The following ZBTB8A variants were observed in gnomAD, a reference collection of about 807,000 sequenced individuals.
The protein encoded by ZBTB8A is zinc finger and BTB domain containing 8A, also known as zinc finger and BTB domain-containing protein 8A.
A neutral mutation model predicts 37.8 loss-of-function variants in ZBTB8A; 19 were observed. The observed-to-expected ratio is 0.50, with a 90% confidence interval of 0.35 to 0.74. The LOEUF (loss-of-function observed/expected upper bound fraction) is 0.74. Among genes scored for constraint, ZBTB8A ranks in the 30% least tolerant of loss-of-function variants. The pLI is 0.01. For missense variants in ZBTB8A, 394 were observed against 537.8 expected (o/e 0.73, Z 2.65); for synonymous variants, 181 against 185.2 (o/e 0.98, Z 0.19).
chr1:32,594,810 CTAAATATATCAAATACCGAAGT>C (rs1235829150), intron 3 of ZBTB8A, among the ~76,000 whole-genome samples: 1 of 151,234 alleles, frequency 6.6e-6, no homozygotes, highest in African/African-American at 2.4e-5. Context: ...ACCCAACTTT[CTAAATATATCAAATACCGAAGT>C]TAAAGTTCCA....
intron 2 of ZBTB8A, among the ~76,000 whole-genome samples, chr1:32,589,389 T>C (rs1037282373): frequency 4.0e-5 from 6 of 151,772 alleles, no homozygotes; most frequent in Admixed American, 1.3e-4. Flanking sequence ...TAGCTCGGAT[T>C]ACAGGCACCT....
chr1:32,578,910 A>G (rs1354164152), intron 2 of ZBTB8A, among the ~76,000 whole-genome samples: 1 of 152,074 alleles, frequency 6.6e-6, no homozygotes. Flanking sequence ...GGTGGACACT[A>G]TAAATATATA....
At chr1:32,557,797 A>G (rs1644214286) in intron 2 of ZBTB8A, among the ~76,000 whole-genome samples, 1 of 152,112 alleles carries the variant, frequency 6.6e-6, no homozygotes, top group African/African-American at 2.4e-5. Context: ...AGTTATTAAA[A>G]TCTTTCAAAT....
intron 4 of ZBTB8A, among the ~76,000 whole-genome samples, chr1:32,598,378 G>A (rs1265963293): frequency 4.0e-5 from 6 of 151,704 alleles, no homozygotes; most frequent in Admixed American, 6.6e-5. Context: ...GATTACAGGC[G>A]TGTGCCACCA....
At chr1:32,576,020 A>G (rs1172392490) in intron 2 of ZBTB8A, among the ~76,000 whole-genome samples, 1 of 152,204 alleles carries the variant, frequency 6.6e-6, no homozygotes, top group Non-Finnish European at 1.5e-5. Flanking sequence ...CTCATCACAT[A>G]TTATAGAGCT....
At chr1:32,556,135 G>T (rs1012489862) in intron 2 of ZBTB8A, among the ~76,000 whole-genome samples, 1 of 151,756 alleles carries the variant, frequency 6.6e-6, no homozygotes, top group African/African-American at 2.4e-5. Flanking sequence ...GTGCAGTAAC[G>T]TGATCTCAGC....
chr1:32,551,157 A>G (rs1252426336), intron 1 of ZBTB8A, among the ~76,000 whole-genome samples: 1 of 152,030 alleles, frequency 6.6e-6, no homozygotes, highest in African/African-American at 2.4e-5. Flanking sequence ...AAAAATTATT[A>G]ATTTTGGGCC....
intron 1 of ZBTB8A, among the ~76,000 whole-genome samples, chr1:32,549,680 G>T (rs12133914): frequency 0.13 from 19,056 of 151,964 alleles, 1,335 homozygotes; most frequent in African/African-American, 0.21. Flanking sequence ...CGGTGAGCTG[G>T]GAGTGCACCA....
rs182673262 is a variant in ZBTB8A at position 32,601,388 on chromosome 1, C to T, written c.*969C>T. 2.8e-4 allele frequency: 88 copies of T among 314,062 alleles called. No homozygotes were observed. The highest frequency in any genetic ancestry group is 1.1e-3 in the Admixed American group (22 of 19,978). 19.5% of individuals were successfully genotyped at this position (314,062 alleles called of 1,614,324 possible). ...ACTCGGGAGGCTGAGGCAGGAGAAT[C>T]GATTGAACCTGGAAGGCAGAAGTTG... On this transcript the variant is annotated 3_prime_UTR_variant, in exon 5 of 5. Coordinates refer to ENST00000373510, the MANE Select transcript of ZBTB8A (RefSeq NM_001040441.3).
chr1:32,586,641 TAGAG>T lies in ZBTB8A; in HGVS notation c.-1-6286_-1-6283del, dbSNP rs543089102. On this transcript the variant is annotated intron_variant, in intron 2 of 4. Transcript: ENST00000373510. ...TTATCTGGGGGAAGAATGTTCCAAG[TAGAG>T]AGACTGGCAAGTACAAAGGCTGTGT... 1.9e-3 allele frequency among the ~76,000 whole-genome samples: 293 copies of T among 152,080 alleles called. No individual in the cohort carries two copies. The Middle Eastern group carries it at 0.031, about 16-fold the overall frequency.
chr1:32,582,539 T>C lies in ZBTB8A; in HGVS notation c.-1-10392T>C, dbSNP rs112972767. On this transcript the variant is annotated intron_variant, in intron 2 of 4. Coordinates refer to ENST00000373510, the MANE Select transcript of ZBTB8A (RefSeq NM_001040441.3). ...GGCACATACCTGTAATCCCAGCTACTTGGGAGGCTGAGACAGGAGAATCGC... is the reference window on the plus strand; with the variant it reads ...GGCACATACCTGTAATCCCAGCTACCTGGGAGGCTGAGACAGGAGAATCGC... Among the ~76,000 whole-genome samples, 456 of 152,078 alleles carry C rather than the reference T, an allele frequency of 3.0e-3. 2 individuals carry two copies. The highest frequency in any genetic ancestry group is 0.01 in the African/African-American group (433 of 41,488).
chr1:32,583,122 T>C (rs2148242504), intron 2 of ZBTB8A, among the ~76,000 whole-genome samples: 1 of 152,258 alleles, frequency 6.6e-6, no homozygotes, highest in African/African-American at 2.4e-5. Flanking sequence ...GGCTCACACC[T>C]GTAATCCCAA....
Position 32,601,690 on chromosome 1 carries a change from G to T in ZBTB8A, c.*1271G>T, listed in dbSNP as rs777244788. ...TCTGATTTTAAACAATCCTCTTTCAGCCTTCTCTCCCTGTATGTCTCCTGA... is the reference window on the plus strand; with the variant it reads ...TCTGATTTTAAACAATCCTCTTTCATCCTTCTCTCCCTGTATGTCTCCTGA... On this transcript the variant is annotated 3_prime_UTR_variant, in exon 5 of 5. Coordinates refer to ENST00000373510, the MANE Select transcript of ZBTB8A (RefSeq NM_001040441.3). 6.5e-4 allele frequency: 260 copies of T among 398,504 alleles called. No homozygotes were observed. Among genetic ancestry groups the T allele is most frequent in the Non-Finnish European group, 1.0e-3 (225 of 226,036 alleles). 24.7% of individuals were successfully genotyped at this position (398,504 alleles called of 1,614,324 possible).
At chr1:32,556,306 G>A (rs1047776321) in intron 2 of ZBTB8A, among the ~76,000 whole-genome samples, 6 of 152,102 alleles carry the variant, frequency 3.9e-5, no homozygotes, top group Non-Finnish European at 7.4e-5. Flanking sequence ...CTGACCTCGT[G>A]ATCCACTCAC....
At position 32,567,840 on chromosome 1, in the gene ZBTB8A, C is replaced by CAAAACA. The variant is rs1553178106; in HGVS notation, c.-2+14304_-2+14305insCAAAAA. 2.1e-4 allele frequency among the ~76,000 whole-genome samples: 12 copies of CAAAACA among 57,378 alleles called. 1 individual carries two copies. Among genetic ancestry groups the CAAAACA allele is most frequent in the East Asian group, 4.7e-4 (1 of 2,130 alleles). 37.6% of individuals were successfully genotyped at this position (57,378 alleles called of 152,430 possible). A position where few individuals can be genotyped will look rare whatever the true frequency, so the allele number is the denominator to read the frequency against. ...AAAAAAAAACAAAAACAAAACAAAA[C>CAAAACA]AAAAAAAAGATATAATTTAGCCTGG... On this transcript the variant is annotated intron_variant, in intron 2 of 4. Transcript: ENST00000373510.
chr1:32,553,886 CAAAAA>C (rs34338542), intron 2 of ZBTB8A, among the ~76,000 whole-genome samples: 4 of 77,116 alleles, frequency 5.2e-5, no homozygotes, highest in Admixed American at 1.5e-4. Flanking sequence ...AACTCTGTCT[CAAAAA>C]AAAAAAAAAA....
chr1:32,559,823 A>G (rs188550476), intron 2 of ZBTB8A, among the ~76,000 whole-genome samples: 1 of 152,250 alleles, frequency 6.6e-6, no homozygotes, highest in East Asian at 1.9e-4. Context: ...TGAAGGATTA[A>G]TGGGTTATCA....
At chr1:32,562,374 C>A (rs1170045153) in intron 2 of ZBTB8A, among the ~76,000 whole-genome samples, 1 of 151,838 alleles carries the variant, frequency 6.6e-6, no homozygotes, top group African/African-American at 2.4e-5. Context: ...TGGGTTCAAG[C>A]AATTCTCCTG....
At chr1:32,576,732 T>G (rs1353535705) in intron 2 of ZBTB8A, among the ~76,000 whole-genome samples, 1 of 151,660 alleles carries the variant, frequency 6.6e-6, no homozygotes, top group East Asian at 2.0e-4. Context: ...CCCAGCCTAA[T>G]TTTTGTATTT....
Sources: allele counts gnomAD v4.1 joint callset (sites outside exome capture counted in the v4.1 genomes callset), GRCh38; gene constraint gnomAD v4.1.1; transcripts MANE v1.5; gene names NCBI Gene and HGNC (gene_info 2026-07-23, HGNC 2026-07-21).